Variants in CPNE8 observed in about 807,000 individuals in gnomAD.
CPNE8 encodes copine 8.
CPNE8 carries 45 observed loss-of-function variants against 81.5 expected under a neutral mutation model. The observed-to-expected ratio is 0.55, with a 90% CI of 0.44 to 0.71. CPNE8 has a LOEUF of 0.71. Among genes scored for constraint, CPNE8 ranks in the 30% least tolerant of loss-of-function variants. The pLI is 0.00. For missense variants in CPNE8, 594 were observed against 672.1 expected, an observed-to-expected ratio of 0.88 and a Z score of 1.28; for synonymous variants, 252 against 226.3, an observed-to-expected ratio of 1.11 and a Z score of -1.02.
intron 10 of CPNE8, among the ~76,000 whole-genome samples, chr12:38,735,260 GA>G (rs869073861): frequency 3.2e-5 from 1 of 31,398 alleles, no homozygotes; most frequent in African/African-American, 8.8e-5. Flanking sequence ...TCACGAAAAT[GA>G]AAGACCCCTT....
At position 38,653,470 on chromosome 12, in the gene CPNE8, A is replaced by C. The variant is rs186098741; in HGVS notation, c.*412T>G. ...ACTCTTATTTTTAAGAACAGTTATA[A>C]AAGTATTGAAATTTAAAAAGTAGTA... On this transcript the variant is annotated 3_prime_UTR_variant, in exon 20 of 20. Transcript: ENST00000331366. The C allele has an allele frequency of 7.6e-4, 118 of 154,516 alleles. No homozygotes were observed. The highest frequency in any genetic ancestry group is 1.4e-3 in the Non-Finnish European group (96 of 69,284). 9.6% of individuals were successfully genotyped at this position (154,516 alleles called of 1,614,324 possible).
At chr12:38,690,908 C>G (rs556601963) in intron 15 of CPNE8, among the ~76,000 whole-genome samples, 1 of 152,132 alleles carries the variant, frequency 6.6e-6, no homozygotes, top group South Asian at 2.1e-4. Flanking sequence ...AACAAAATCC[C>G]AACAGATACT....
chr12:38,825,070 A>G (rs1943167591), intron 6 of CPNE8, among the ~76,000 whole-genome samples: 1 of 152,246 alleles, frequency 6.6e-6, no homozygotes, highest in South Asian at 2.1e-4. Flanking sequence ...AATAGATAGA[A>G]GAGCTATACC....
At chr12:38,713,350 G>A (rs1449265082) in intron 13 of CPNE8, among the ~76,000 whole-genome samples, 2 of 152,052 alleles carry the variant, frequency 1.3e-5, no homozygotes, top group South Asian at 2.1e-4. Flanking sequence ...TTCTAATCTT[G>A]ATTTTGCCCT....
intron 3 of CPNE8, among the ~76,000 whole-genome samples, chr12:38,867,339 T>TGTGTGTGAGA (rs942285728): frequency 8.2e-6 from 1 of 122,000 alleles, no homozygotes; most frequent in African/African-American, 3.2e-5. Context: ...TGTGTGTGTG[T>TGTGTGTGAGA]GAGAGAGAGA....
intron 9 of CPNE8, among the ~76,000 whole-genome samples, chr12:38,761,858 G>A (rs115222378): frequency 2.0e-3 from 312 of 152,224 alleles, no homozygotes; most frequent in African/African-American, 7.0e-3. Context: ...TGCAACTTTC[G>A]TGTTTCTACT....
At chr12:38,766,382 G>A (rs925689165) in intron 8 of CPNE8, among the ~76,000 whole-genome samples, 1 of 151,962 alleles carries the variant, frequency 6.6e-6, no homozygotes, top group South Asian at 2.1e-4. Flanking sequence ...GAAATGCCTG[G>A]CAAATATTAT....
intron 6 of CPNE8, among the ~76,000 whole-genome samples, chr12:38,785,136 A>T (rs1478245722): frequency 6.6e-6 from 1 of 151,364 alleles, no homozygotes. Flanking sequence ...AGGAGGTTGC[A>T]GAGATCGTGC....
intron 19 of CPNE8, among the ~76,000 whole-genome samples, chr12:38,659,529 G>A (rs1322260759): frequency 6.6e-6 from 1 of 152,148 alleles, no homozygotes; most frequent in African/African-American, 2.4e-5. Context: ...ACTGAACTCA[G>A]CTCTGCACCA....
chr12:38,844,063 C>G (rs1174398436), intron 4 of CPNE8, among the ~76,000 whole-genome samples: 1 of 152,092 alleles, frequency 6.6e-6, no homozygotes, highest in Non-Finnish European at 1.5e-5. Flanking sequence ...GTTGGGACAA[C>G]TACTAGAAGA....
At chr12:38,740,363 T>G (rs1448732703) in intron 10 of CPNE8, among the ~76,000 whole-genome samples, 2 of 152,218 alleles carry the variant, frequency 1.3e-5, no homozygotes, top group Non-Finnish European at 2.9e-5. Context: ...TTTGACTTCC[T>G]CTTTTCCTAA....
rs370560931 is a variant in CPNE8, at chr12:38,854,761, A to T, written c.187-6099T>A. Among the ~76,000 whole-genome samples, 125 of 152,236 alleles carry T rather than the reference A, an allele frequency of 8.2e-4. No individual in the cohort carries two copies. The East Asian group carries it at 9.1e-3, about 11-fold the overall frequency. ...TCAAAACAAGTTAAGTTTTAAAGGA[A>T]TATACCTCTATACAATAAAAGACAT... On this transcript the variant is annotated intron_variant, in intron 3 of 19. Coordinates refer to ENST00000331366, the MANE Select transcript of CPNE8 (RefSeq NM_153634.3).
chr12:38,802,872 C>T (rs1215012166), intron 6 of CPNE8, among the ~76,000 whole-genome samples: 1 of 147,506 alleles, frequency 6.8e-6, no homozygotes. Flanking sequence ...GAGAATACTA[C>T]AAACACCTCT....
chr12:38,869,640 C>A (rs1565655642), intron 3 of CPNE8, among the ~76,000 whole-genome samples: 1 of 152,142 alleles, frequency 6.6e-6, no homozygotes, highest in African/African-American at 2.4e-5. Flanking sequence ...TTTCGCACTT[C>A]CTTTCTATTC....
intron 6 of CPNE8, among the ~76,000 whole-genome samples, chr12:38,782,674 T>A (rs1310085802): frequency 1.3e-5 from 2 of 150,838 alleles, no homozygotes; most frequent in African/African-American, 4.9e-5. Flanking sequence ...CATTTTTTGT[T>A]TTGTTTTTGT....
At chr12:38,854,703 TAACAACA>T (rs1297103285) in intron 3 of CPNE8, among the ~76,000 whole-genome samples, 1 of 152,066 alleles carries the variant, frequency 6.6e-6, no homozygotes, top group African/African-American at 2.4e-5. Flanking sequence ...AAAAGGCTTT[TAACAACA>T]TTAAAGAAAG....
chr12:38,673,485 A>C (rs1939223922), intron 18 of CPNE8, among the ~76,000 whole-genome samples: 1 of 152,142 alleles, frequency 6.6e-6, no homozygotes. Context: ...TTAATATAGA[A>C]ATTTTTTTTA....
chr12:38,841,495 A>T (rs1943467232), intron 4 of CPNE8, among the ~76,000 whole-genome samples: 2 of 152,174 alleles, frequency 1.3e-5, no homozygotes, highest in Admixed American at 1.3e-4. Flanking sequence ...AGACAATCAG[A>T]GAAATTTCCA....
At chr12:38,765,121 T>A (rs1283287737) in intron 8 of CPNE8, among the ~76,000 whole-genome samples, 1 of 152,220 alleles carries the variant, frequency 6.6e-6, no homozygotes, top group Admixed American at 6.5e-5. Flanking sequence ...ATTTATTGCC[T>A]ATTAATCATT....
Sources: allele counts gnomAD v4.1 joint callset (sites outside exome capture counted in the v4.1 genomes callset), GRCh38; gene constraint gnomAD v4.1.1; transcripts MANE v1.5; gene names NCBI Gene and HGNC (gene_info 2026-07-23, HGNC 2026-07-21).